The following COPA variants were observed in gnomAD, a reference collection of about 807,000 sequenced individuals.
The protein encoded by COPA is coatomer subunit alpha.
Under a neutral mutation model 158.7 loss-of-function variants are expected in COPA, and 10 were observed. The observed-to-expected ratio is 0.06, with a 90% CI of 0.04 to 0.11. The LOEUF is 0.11. COPA is among the 10% of genes least tolerant of loss of function. The probability of loss-of-function intolerance (pLI) is 1.00; values close to 1 mark genes in which losing one functional copy is unlikely to be tolerated. For missense variants in COPA, 1,065 were observed against 1,536.7 expected, an observed-to-expected ratio of 0.69 and a Z score of 5.13; for synonymous variants, 462 against 542.8, an observed-to-expected ratio of 0.85 and a Z score of 2.07.
At chr1:160,313,279 A>C in intron 9 of COPA, 112 bp from the exon 10 acceptor site, 1 of 894,368 alleles carries the variant, frequency 1.1e-6, no homozygotes, top group Non-Finnish European at 1.8e-6. Flanking sequence ...TAAATCAGGG[A>C]GAGTAAACTG....
At position 160,307,191 on chromosome 1, in the gene COPA, C is replaced by T. The variant is rs767077238; in HGVS notation, c.1274G>A (p.Arg425Gln). Residue 425 changes from arginine to glutamine, a missense_variant, in exon 14 of 33, where the codon CGG (arginine) becomes CAG (glutamine). Coordinates refer to ENST00000241704, the MANE Select transcript of COPA (RefSeq NM_004371.4). ...ATGCATCCGATCTAGGACAGCAAAC[C>T]GATTTCGAGCGACCCAAACGGCTGT... ...GLTAVWVARN[R>Q]FAVLDRMHSL... The T allele has an allele frequency of 6.8e-6, 11 of 1,614,034 alleles. No homozygotes were observed. The highest frequency in any genetic ancestry group is 2.7e-5 in the African/African-American group (2 of 74,938).
intron 6 of COPA, among the ~76,000 whole-genome samples, chr1:160,325,942 A>C (rs1659477557): frequency 6.6e-6 from 1 of 152,162 alleles, no homozygotes; most frequent in African/African-American, 2.4e-5. Context: ...TTCTTCCACA[A>C]ATCTTACCTC....
Position 160,314,066 on chromosome 1 carries a change from C to A in COPA, c.766G>T (p.Val256Phe), listed in dbSNP as rs143714109. 9.0e-5 allele frequency: 146 copies of A among 1,613,778 alleles called. No individual in the cohort carries two copies. Among genetic ancestry groups the A allele is most frequent in the Non-Finnish European group, 1.2e-4 (144 of 1,179,948 alleles). Reference protein sequence around the residue: ...RGHYNNVSCAVFHPRQELILS... With the variant: ...RGHYNNVSCAFFHPRQELILS... ...ATCAACTCTTGGCGAGGGTGGAAGA[C>A]GGCACAAGATACATTGTTGTAATGG... The change falls in exon 9 of 33, where the codon GTC (valine) becomes TTC (phenylalanine). Residue 256 changes from valine to phenylalanine, a missense_variant. Val to Phe is a conservative substitution (Grantham distance 50). Coordinates refer to ENST00000241704, the MANE Select transcript of COPA (RefSeq NM_004371.4).
chr1:160,333,515 G>T, intron 5 of COPA, 88 bp downstream of exon 5: 1 of 912,456 alleles, frequency 1.1e-6, no homozygotes, highest in Non-Finnish European at 1.7e-6. Flanking sequence ...GTCCATTTGA[G>T]AAGGGAGAAG....
intron 31 of COPA, among the ~76,000 whole-genome samples, chr1:160,290,994 C>A (rs1000497272): frequency 7.9e-5 from 12 of 152,146 alleles, no homozygotes; most frequent in African/African-American, 2.9e-4. Context: ...AAAAAGAATG[C>A]ATTTGGAGGA....
intron 8 of COPA, among the ~76,000 whole-genome samples, chr1:160,316,291 G>C (rs1420493111): frequency 6.6e-6 from 1 of 151,854 alleles, no homozygotes; most frequent in Non-Finnish European, 1.5e-5. Context: ...CCGGGAGGTG[G>C]AGGTTGCAGT....
chr1:160,340,128 C>G (rs1647968704), intron 2 of COPA, 53 bp downstream of exon 2: 2 of 1,490,640 alleles, frequency 1.3e-6, no homozygotes, highest in Non-Finnish European at 1.9e-6. Context: ...TAAAATACCC[C>G]AGGATATTAT....
chr1:160,293,428 A>C lies in COPA; in HGVS notation c.2712T>G (p.Asp904Glu), dbSNP rs375099053. 1.2e-6 allele frequency: 2 copies of C among 1,611,006 alleles called. No homozygotes were observed. The highest frequency in any genetic ancestry group is 1.7e-6 in the Non-Finnish European group (2 of 1,179,098). ...CCTTGGTTGGGGGCACAAAGAAACC[A>C]TCTTCAGCCCCACCAGCTGCCCCAG... ...ISPGAAGGAE[D>E]GFFVPPTKGT... The change falls in exon 26 of 33, where the codon GAT (aspartate) becomes GAG (glutamate). Residue 904 changes from aspartate (D) to glutamate (E), a missense_variant. Asp to Glu is a conservative substitution (Grantham distance 45). Around this residue, in one of 2 missense-constraint regions of COPA, gnomAD observed 980 missense variants for 1,357.8 expected, o/e 0.72. Transcript: ENST00000241704.
chr1:160,335,850 C>T (rs1647734045), intron 3 of COPA, among the ~76,000 whole-genome samples: 1 of 137,616 alleles, frequency 7.3e-6, no homozygotes, highest in Non-Finnish European at 1.5e-5. Context: ...TGCCATTGTA[C>T]TCCAGCCTGG....
intron 28 of COPA, 41 bp downstream of exon 28, chr1:160,292,443 A>C: frequency 6.2e-7 from 1 of 1,610,820 alleles, no homozygotes; most frequent in Non-Finnish European, 8.5e-7. Flanking sequence ...AATATCGACC[A>C]CAACTTGGAA....
At chr1:160,304,242 G>C (rs1247493021) in intron 17 of COPA, among the ~76,000 whole-genome samples, 2 of 151,534 alleles carry the variant, frequency 1.3e-5, no homozygotes, top group African/African-American at 4.8e-5. Context: ...TTGAACTCCT[G>C]ACCTCCAGTG....
At chr1:160,339,818 T>G in intron 3 of COPA, 91 bp downstream of exon 3, 21 of 1,215,288 alleles carry the variant, frequency 1.7e-5, no homozygotes, top group Non-Finnish European at 2.2e-5. Flanking sequence ...TCTGTATGAA[T>G]GAAATTTCCT....
intron 3 of COPA, among the ~76,000 whole-genome samples, chr1:160,339,124 T>C (rs1036050338): frequency 6.9e-6 from 1 of 143,958 alleles, no homozygotes; most frequent in Non-Finnish European, 1.5e-5. Context: ...TTTCTCCTTA[T>C]TGGCCCTTAT....
chr1:160,340,607 T>C (rs575998019), intron 1 of COPA, among the ~76,000 whole-genome samples: 1 of 152,342 alleles, frequency 6.6e-6, no homozygotes, highest in South Asian at 2.1e-4. Context: ...AGGCTTAATC[T>C]GGAACCACTA....
chr1:160,332,040 T>A (rs1647550876), intron 6 of COPA, among the ~76,000 whole-genome samples: 1 of 152,164 alleles, frequency 6.6e-6, no homozygotes, highest in African/African-American at 2.4e-5. Flanking sequence ...ATAGAGAGAT[T>A]TTACTATTTT....
intron 23 of COPA, 135 bp downstream of exon 23, chr1:160,295,601 T>A (rs1658371938): frequency 1.1e-6 from 1 of 943,616 alleles, no homozygotes; most frequent in African/African-American, 1.7e-5. Flanking sequence ...GCACCATAAA[T>A]GACTGGCATT....
intron 8 of COPA, 119 bp from the exon 9 acceptor site, chr1:160,314,244 CTTCT>C: frequency 9.6e-7 from 1 of 1,043,844 alleles, no homozygotes; most frequent in South Asian, 1.9e-5. Context: ...AAATTGCCAA[CTTCT>C]TTCTAATATG....
At chr1:160,312,066 A>C in intron 10 of COPA, 48 bp from the exon 11 acceptor site, 3 of 1,591,990 alleles carry the variant, frequency 1.9e-6, no homozygotes, top group Non-Finnish European at 2.6e-6. Flanking sequence ...TAGGCAAGAA[A>C]AAAACCTGGA....
rs1294976871 is a variant in COPA, at chr1:160,340,225, T to C, written c.110A>G (p.Asp37Gly). 1.2e-6 allele frequency: 2 copies of C among 1,613,694 alleles called. No homozygotes were observed. The highest frequency in any genetic ancestry group is 1.7e-6 in the Non-Finnish European group (2 of 1,179,918). Residue 37 changes from aspartate (D) to glycine (G), a missense_variant, in exon 2 of 33, where the codon GAC (aspartate) becomes GGC (glycine). Physicochemically the swap from Asp to Gly is moderately conservative, Grantham distance 94. Around this residue, in one of 2 missense-constraint regions of COPA, gnomAD observed 85 missense variants for 178.9 expected, o/e 0.48. Coordinates refer to ENST00000241704, the MANE Select transcript of COPA (RefSeq NM_004371.4). ...GTCAATGAGAGTGCACATCCGATAGTCCCATAACTGGATGACCCCATTATG... is the reference window on the plus strand; with the variant it reads ...GTCAATGAGAGTGCACATCCGATAGCCCCATAACTGGATGACCCCATTATG... ...SLHNGVIQLWDYRMCTLIDKF... is the reference protein window; with the variant it reads ...SLHNGVIQLWGYRMCTLIDKF...
Sources: gnomAD v4.1 joint callset for allele counts (sites outside exome capture counted in the v4.1 genomes callset) on GRCh38, gnomAD v4.1.1 for gene constraint, gnomAD v4.1.1 regional missense constraint, MANE v1.5 for transcripts, NCBI Gene and HGNC (gene_info 2026-07-23, HGNC 2026-07-21) for gene names.